The following SIRPA variants were observed in gnomAD, a reference collection of about 807,000 sequenced individuals.
SIRPA encodes tyrosine-protein phosphatase non-receptor type substrate 1.
A neutral mutation model predicts 50.3 loss-of-function variants in SIRPA; 9 were observed. The ratio of observed to expected loss-of-function variants is 0.18; its 90% CI spans 0.11 to 0.31. The LOEUF (loss-of-function observed/expected upper bound fraction) is 0.31. Among genes scored for constraint, SIRPA ranks in the 10% least tolerant of loss-of-function variants. SIRPA has a pLI of 1.00. For missense variants in SIRPA, 474 were observed against 661.6 expected (o/e 0.72, Z 3.11); for synonymous variants, 265 against 284.1 (o/e 0.93, Z 0.68).
rs1983938677 is a variant in SIRPA, at chr20:1,898,123, A to G, written c.79+2597A>G. On this transcript the variant is annotated intron_variant, in intron 1 of 7. Transcript: ENST00000358771. This position sits in a 1 kb window ranked among gnomAD's most constrained non-coding sequence, Gnocchi z 4.3. ...TCTCTGGCCTGGAGGAGGCCAAGCC[A>G]AGTTGCAGTTCAGGCTCTGGGGAGC... 6.6e-6 allele frequency among the ~76,000 whole-genome samples: 1 copy of G among 152,194 alleles called. No homozygotes were observed. Among genetic ancestry groups the G allele is most frequent in the Non-Finnish European group, 1.5e-5 (1 of 68,036 alleles).
intron 1 of SIRPA, among the ~76,000 whole-genome samples, chr20:1,904,651 T>TA (rs1984440095): frequency 6.6e-6 from 1 of 152,232 alleles, no homozygotes; most frequent in Admixed American, 6.5e-5. Context: ...TTACTGCTGT[T>TA]ATGTGATTGT....
At chr20:1,923,556 G>A (rs1247172522) in intron 4 of SIRPA, among the ~76,000 whole-genome samples, 2 of 152,236 alleles carry the variant, frequency 1.3e-5, no homozygotes, top group African/African-American at 4.8e-5. Flanking sequence ...TTCATAGTAC[G>A]TGTGGAGCAT....
At chr20:1,894,228 T>C (rs1983615491), upstream of SIRPA, 1 of 152,004 alleles carries the variant, frequency 6.6e-6, no homozygotes. This position sits in a 1 kb window ranked among gnomAD's most constrained non-coding sequence, Gnocchi z 4.0. Context: ...CACGACCTCC[T>C]GGGGAGGGTT....
In SIRPA at chr20:1,937,331, T is replaced by C. The variant is rs778334086; in HGVS notation, c.1278T>C (p.Asp426=). The change falls in exon 8 of 8, where the codon GAT becomes GAC. Residue 426 remains aspartate, a synonymous_variant. Coordinates refer to ENST00000358771, the MANE Select transcript of SIRPA (RefSeq NM_001040023.2). The surrounding 1 kb of genome is among the most constrained non-coding windows in gnomAD (Gnocchi z 8.3). ...NAREITQDTN[D]ITYADLNLPK... ...TATCTTAAATCCAGGACACAAATGATATCACATATGCAGACCTGAACCTGC... is the reference window on the plus strand; with the variant it reads ...TATCTTAAATCCAGGACACAAATGACATCACATATGCAGACCTGAACCTGC... 3 of 1,612,928 alleles carry C rather than the reference T, an allele frequency of 1.9e-6. No individual in the cohort carries two copies. The highest frequency in any genetic ancestry group is 2.5e-6 in the Non-Finnish European group (3 of 1,179,138).
intron 1 of SIRPA, among the ~76,000 whole-genome samples, chr20:1,908,711 A>G (rs1984700889): frequency 6.6e-6 from 1 of 152,158 alleles, no homozygotes; most frequent in African/African-American, 2.4e-5. Context: ...TCATGTTCAC[A>G]TGTTCCATTG....
At chr20:1,897,080 C>G in intron 1 of SIRPA, among the ~76,000 whole-genome samples, 1 of 152,236 alleles carries the variant, frequency 6.6e-6, no homozygotes, top group East Asian at 1.9e-4. Context: ...GGTTCAGTCC[C>G]TGGCAAACGA....
chr20:1,900,357 T>TG (rs936682387), intron 1 of SIRPA, among the ~76,000 whole-genome samples: 3 of 152,152 alleles, frequency 2.0e-5, no homozygotes, highest in Non-Finnish European at 2.9e-5. Flanking sequence ...CCCAAAGTGC[T>TG]GGGATTACAG....
chr20:1,921,450 C>T lies in SIRPA; in HGVS notation c.492C>T (p.His164=). The T allele has an allele frequency of 6.2e-7, 1 of 1,613,896 alleles. No homozygotes were observed. The change falls in exon 3 of 8, where the codon CAC becomes CAT. Residue 164 remains histidine (H), a synonymous_variant. Transcript: ENST00000358771. ...CTGCGGCGAGGGCCACACCTCAGCA[C>T]ACAGTGAGCTTCACCTGCGAGTCCC... ...SGPAARATPQ[H]TVSFTCESHG... is the part of the protein sequence containing the mutation.
In SIRPA at chr20:1,933,011, A is replaced by G. The variant is rs1477122298; in HGVS notation, c.1227-1704A>G. The stretch of plus-strand genomic sequence containing the variant: ...AGAATGGAGTTTGGGGGTTCAGTGA[A>G]TATTTCCCCAAGAAAAGGCTGTTTA... On this transcript the variant is annotated intron_variant, in intron 6 of 7. Coordinates refer to ENST00000358771, the MANE Select transcript of SIRPA (RefSeq NM_001040023.2). The surrounding 1 kb of genome is among the most constrained non-coding windows in gnomAD (Gnocchi z 4.4). Among the ~76,000 whole-genome samples, 1 of 152,234 alleles carries G rather than the reference A, an allele frequency of 6.6e-6. No individual in the cohort carries two copies. Among genetic ancestry groups the G allele is most frequent in the Non-Finnish European group, 1.5e-5 (1 of 68,036 alleles).
At chr20:1,911,331 A>C (rs1052821990) in intron 1 of SIRPA, among the ~76,000 whole-genome samples, 10 of 152,214 alleles carry the variant, frequency 6.6e-5, no homozygotes, top group Non-Finnish European at 1.2e-4. Flanking sequence ...ACTACATCAG[A>C]ATGTTGATTA....
rs1357177842 is a variant in SIRPA, at chr20:1,938,716, T to G, written c.*1148T>G. 2 of 152,568 alleles carry G rather than the reference T, an allele frequency of 1.3e-5. No individual in the cohort carries two copies. Among genetic ancestry groups the G allele is most frequent in the Non-Finnish European group, 2.9e-5 (2 of 68,106 alleles). The allele number at this position is 152,568 out of a possible 1,614,324, so 9.5% of individuals were successfully genotyped here. On this transcript the variant is annotated 3_prime_UTR_variant, in exon 8 of 8. Coordinates refer to ENST00000358771, the MANE Select transcript of SIRPA (RefSeq NM_001040023.2). ...GCAGCCTTCTGTGACCCCGCTGTGG[T>G]AAGTCCAGCCTGCCCAGGGCTGCTG...
intron 1 of SIRPA, among the ~76,000 whole-genome samples, chr20:1,897,725 A>G (rs1983915671): frequency 6.7e-6 from 1 of 149,298 alleles, no homozygotes; most frequent in Admixed American, 6.7e-5. Context: ...GTGTCTTCAC[A>G]TGATCACTGT....
chr20:1,923,585 C>T (rs1985793616), intron 4 of SIRPA, among the ~76,000 whole-genome samples: 1 of 152,162 alleles, frequency 6.6e-6, no homozygotes. Context: ...GCCGGGTTTT[C>T]CTAGGACGTG....
chr20:1,931,824 A>G (rs1265663467), intron 6 of SIRPA, among the ~76,000 whole-genome samples: 1 of 152,182 alleles, frequency 6.6e-6, no homozygotes, highest in Admixed American at 6.5e-5. Flanking sequence ...CAGATGAGAG[A>G]AAAATGTGTC....
At position 1,898,698 on chromosome 20, in the gene SIRPA, G is replaced by C. The variant is rs1344176790; in HGVS notation, c.79+3172G>C. 1.3e-5 allele frequency among the ~76,000 whole-genome samples: 2 copies of C among 152,040 alleles called. No homozygotes were observed. Among genetic ancestry groups the C allele is most frequent in the African/African-American group, 2.4e-5 (1 of 41,390 alleles). On this transcript the variant is annotated intron_variant, in intron 1 of 7. Coordinates refer to ENST00000358771, the MANE Select transcript of SIRPA (RefSeq NM_001040023.2). The surrounding 1 kb of genome is among the most constrained non-coding windows in gnomAD (Gnocchi z 4.3). ...AGGATGATTTAGTCCAAGCTGGAGAGGGAGTGAGAGAGGCCCCTTTCTGGC... is the reference window on the plus strand; with the variant it reads ...AGGATGATTTAGTCCAAGCTGGAGACGGAGTGAGAGAGGCCCCTTTCTGGC...
At chr20:1,914,459 C>T (rs1391723759) in intron 1 of SIRPA, among the ~76,000 whole-genome samples, 1 of 124,654 alleles carries the variant, frequency 8.0e-6, no homozygotes, top group Non-Finnish European at 1.7e-5. Context: ...GCAGTAAGGG[C>T]AAACTAAGGG....
intron 1 of SIRPA, among the ~76,000 whole-genome samples, chr20:1,902,769 T>C (rs1303048112): frequency 1.3e-5 from 2 of 152,098 alleles, no homozygotes; most frequent in Non-Finnish European, 2.9e-5. Flanking sequence ...CCCAGCACTT[T>C]GGGAGGCTGA....
Position 1,927,090 on chromosome 20 carries a change from T to A in SIRPA, c.1202-785T>A, listed in dbSNP as rs56388363. ...CCAACTGGTACACCTCATCTAAAGA[T>A]CCAGGACCTGCCCAGGCAGCAAGCG... is the stretch of plus-strand genomic sequence containing the variant. On this transcript the variant is annotated intron_variant, in intron 5 of 7. Transcript: ENST00000358771. This position sits in a 1 kb window ranked among gnomAD's most constrained non-coding sequence, Gnocchi z 6.5. Among the ~76,000 whole-genome samples the A allele has an allele frequency of 6.6e-6, 1 of 152,198 alleles. No homozygotes were observed. Among genetic ancestry groups the A allele is most frequent in the Non-Finnish European group, 1.5e-5 (1 of 68,034 alleles).
chr20:1,920,040 A>C (rs1427691787), intron 2 of SIRPA, among the ~76,000 whole-genome samples: 1 of 152,092 alleles, frequency 6.6e-6, no homozygotes, highest in Non-Finnish European at 1.5e-5. Context: ...GCTTGCATTC[A>C]TCCTCCCTCT....
Sources: allele counts gnomAD v4.1 joint callset (sites outside exome capture counted in the v4.1 genomes callset), GRCh38; gene constraint gnomAD v4.1.1; non-coding constraint Gnocchi (gnomAD v3.1); transcripts MANE v1.5; gene names NCBI Gene and HGNC (gene_info 2026-07-23, HGNC 2026-07-21).